The following PDLIM5 variants were observed in gnomAD, a reference collection of about 807,000 sequenced individuals.
PDLIM5 encodes PDZ and LIM domain protein 5.
A neutral mutation model predicts 64.2 loss-of-function variants in PDLIM5; 34 were observed. The ratio of observed to expected loss-of-function variants is 0.53; its 90% CI spans 0.40 to 0.71. The LOEUF (loss-of-function observed/expected upper bound fraction) is 0.71, where lower values mean the gene tolerates loss of function less well. Ranked by LOEUF, PDLIM5 falls within the 30% of genes least tolerant of loss-of-function variation. The probability of loss-of-function intolerance (pLI) is 0.00; values close to 1 mark genes in which losing one functional copy is unlikely to be tolerated. For missense variants in PDLIM5, 683 were observed against 733.6 expected (o/e 0.93, Z 0.80); for synonymous variants, 253 against 269.1 (o/e 0.94, Z 0.59).
chr4:94,607,741 AGC>A (rs1738042440), intron 7 of PDLIM5, among the ~76,000 whole-genome samples: 1 of 152,104 alleles, frequency 6.6e-6, no homozygotes, highest in South Asian at 2.1e-4. Context: ...AACTTCTTGG[AGC>A]CTAAGTTTTT....
At chr4:94,453,426 TG>T (rs1723042063) in intron 1 of PDLIM5, among the ~76,000 whole-genome samples, 2 of 152,252 alleles carry the variant, frequency 1.3e-5, no homozygotes, top group African/African-American at 4.8e-5. Flanking sequence ...ACCTTGCCAG[TG>T]CTAGGAATTT....
intron 3 of PDLIM5, among the ~76,000 whole-genome samples, chr4:94,526,503 G>A (rs1297344836): frequency 6.6e-6 from 1 of 152,140 alleles, no homozygotes; most frequent in African/African-American, 2.4e-5. Flanking sequence ...AAGTTTTTGA[G>A]CAGTTCTTGT....
chr4:94,523,501 AG>A (rs1730013901), intron 2 of PDLIM5, among the ~76,000 whole-genome samples: 1 of 152,156 alleles, frequency 6.6e-6, no homozygotes, highest in Admixed American at 6.6e-5. Flanking sequence ...CAGAAAATTC[AG>A]TTTTTTTTTA....
intron 2 of PDLIM5, among the ~76,000 whole-genome samples, chr4:94,490,186 TAAAC>T (rs1459772162): frequency 6.6e-6 from 1 of 152,004 alleles, no homozygotes; most frequent in Non-Finnish European, 1.5e-5. Context: ...TTAAAATTAA[TAAAC>T]AATTTCAAAA....
rs147320277 is a variant in PDLIM5 at position 94,548,044 on chromosome 4, A to G, written c.248+24169A>G. Among the ~76,000 whole-genome samples, 8 of 152,286 alleles carry G rather than the reference A, an allele frequency of 5.3e-5. No individual in the cohort carries two copies. The East Asian group carries it at 1.5e-3, about 29-fold the overall frequency. ...AAGTCTCTCACCATTATCGTAGTTG[A>G]TATGTCTTAACATCTAGTCATTGAG... On this transcript the variant is annotated intron_variant, in intron 3 of 12. Transcript: ENST00000317968.
chr4:94,551,797 T>A (rs1732833138), intron 3 of PDLIM5, among the ~76,000 whole-genome samples: 1 of 152,088 alleles, frequency 6.6e-6, no homozygotes. Flanking sequence ...AAAAAAGTGG[T>A]CACAACTGAG....
intron 4 of PDLIM5, among the ~76,000 whole-genome samples, chr4:94,574,632 C>A (rs1487963161): frequency 6.6e-6 from 1 of 151,732 alleles, no homozygotes. Flanking sequence ...GGGATTTATT[C>A]TTGATCTGAA....
chr4:94,496,759 T>TG (rs1240388654), intron 2 of PDLIM5, among the ~76,000 whole-genome samples: 1 of 152,182 alleles, frequency 6.6e-6, no homozygotes, highest in Non-Finnish European at 1.5e-5. Flanking sequence ...TTCCAAAGTG[T>TG]TGGGATTACA....
chr4:94,520,294 C>G (rs1729719273), intron 2 of PDLIM5, among the ~76,000 whole-genome samples: 1 of 152,188 alleles, frequency 6.6e-6, no homozygotes, highest in Non-Finnish European at 1.5e-5. Flanking sequence ...TTGATTTATG[C>G]TGAGCTCGAC....
chr4:94,518,323 A>G (rs1052720444), intron 2 of PDLIM5, among the ~76,000 whole-genome samples: 5 of 152,214 alleles, frequency 3.3e-5, no homozygotes, highest in African/African-American at 1.2e-4. Context: ...AGGTATATCC[A>G]ACTCCTTATA....
rs138511546 is a variant in PDLIM5, at chr4:94,661,859, T to TC, written c.1586-562dup. Among the ~76,000 whole-genome samples the TC allele has an allele frequency of 8.8e-4, 134 of 151,872 alleles. 2 individuals are homozygous for TC. In the East Asian group the frequency reaches 0.024, roughly 27 times the overall value. On this transcript the variant is annotated intron_variant, in intron 11 of 12. Coordinates refer to ENST00000317968, the MANE Select transcript of PDLIM5 (RefSeq NM_006457.5). ...TTTCTTTAAGACAGTCTCACTCTTG[T>TC]CACTAGGCTGGAGTGCAGTGGCGCG... is the stretch of plus-strand genomic sequence containing the variant.
chr4:94,497,793 T>A (rs1357984331), intron 2 of PDLIM5, among the ~76,000 whole-genome samples: 5 of 152,182 alleles, frequency 3.3e-5, no homozygotes, highest in Non-Finnish European at 7.3e-5. Context: ...GTAGTTCAAA[T>A]CTTAGGAGAT....
At chr4:94,548,719 T>C (rs1732534042) in intron 3 of PDLIM5, among the ~76,000 whole-genome samples, 1 of 152,176 alleles carries the variant, frequency 6.6e-6, no homozygotes, top group Non-Finnish European at 1.5e-5. Flanking sequence ...TAATCTTCTT[T>C]AGGGCACACC....
Position 94,560,071 on chromosome 4 carries a change from G to T in PDLIM5, c.249-13280G>T, listed in dbSNP as rs369319638. ...TTGTGGTGGTTTAGAAGCATCCAAG[G>T]TCCACACTGTCCCCTAAACATTGCC... is the stretch of plus-strand genomic sequence containing the variant. On this transcript the variant is annotated intron_variant, in intron 3 of 12. Coordinates refer to ENST00000317968, the MANE Select transcript of PDLIM5 (RefSeq NM_006457.5). 1.4e-4 allele frequency among the ~76,000 whole-genome samples: 21 copies of T among 152,224 alleles called. No homozygotes were observed. In the South Asian group the frequency reaches 1.9e-3, roughly 14 times the overall value.
intron 8 of PDLIM5, among the ~76,000 whole-genome samples, chr4:94,628,119 T>A (rs1261431975): frequency 6.6e-6 from 1 of 152,232 alleles, no homozygotes; most frequent in Non-Finnish European, 1.5e-5. Flanking sequence ...ACTACTTCAT[T>A]GAATCCTCTC....
chr4:94,602,484 G>T (rs72667644), intron 7 of PDLIM5, among the ~76,000 whole-genome samples: 1 of 151,894 alleles, frequency 6.6e-6, no homozygotes, highest in South Asian at 2.1e-4. Context: ...ACGGAGTTTC[G>T]CTCTCTCATC....
At chr4:94,634,967 G>A (rs1365361321) in intron 8 of PDLIM5, among the ~76,000 whole-genome samples, 1 of 152,114 alleles carries the variant, frequency 6.6e-6, no homozygotes, top group Non-Finnish European at 1.5e-5. Context: ...CTGGTATGTT[G>A]CTAGGTTTTC....
At chr4:94,587,166 A>G (rs1736297252) in intron 7 of PDLIM5, 28 of 1,493,430 alleles carry the variant, frequency 1.9e-5, no homozygotes, top group Non-Finnish European at 2.4e-5. Context: ...AATCTGTATT[A>G]AATTTGCCTT....
intron 11 of PDLIM5, among the ~76,000 whole-genome samples, chr4:94,660,035 A>G (rs561141947): frequency 2.4e-4 from 37 of 151,106 alleles, no homozygotes; most frequent in Middle Eastern, 3.4e-3. Flanking sequence ...GGCTGGGATT[A>G]CAGGCACCTG....
Sources: allele counts gnomAD v4.1 joint callset (sites outside exome capture counted in the v4.1 genomes callset), GRCh38; gene constraint gnomAD v4.1.1; transcripts MANE v1.5; gene names NCBI Gene and HGNC (gene_info 2026-07-23, HGNC 2026-07-21).